The following MCTP1 variants were observed in gnomAD, a reference collection of about 807,000 sequenced individuals.
The protein encoded by MCTP1 is multiple C2 and transmembrane domain containing 1.
A neutral mutation model predicts 120.6 loss-of-function variants in MCTP1; 69 were observed. That is an observed-to-expected ratio of 0.57 (90% CI 0.47 to 0.70). The LOEUF (loss-of-function observed/expected upper bound fraction) is 0.70, where lower values mean the gene tolerates loss of function less well. Ranked by LOEUF, MCTP1 falls within the 30% of genes least tolerant of loss-of-function variation. MCTP1 has a pLI of 0.00. For missense variants in MCTP1, 1,203 were observed against 1,248.8 expected (o/e 0.96, Z 0.55); for synonymous variants, 529 against 493.1 (o/e 1.07, Z -0.96).
intron 1 of MCTP1, among the ~76,000 whole-genome samples, chr5:95,226,477 T>C (rs2152630983): frequency 6.6e-6 from 1 of 152,286 alleles, no homozygotes; most frequent in African/African-American, 2.4e-5. Flanking sequence ...GCAGGATTTT[T>C]CATTTTCGGA....
intron 1 of MCTP1, among the ~76,000 whole-genome samples, chr5:95,067,694 T>C (rs578228857): frequency 2.0e-5 from 3 of 152,188 alleles, no homozygotes; most frequent in Admixed American, 6.5e-5. Context: ...AATAATTGTA[T>C]GTATTTATGG....
intron 1 of MCTP1, among the ~76,000 whole-genome samples, chr5:95,205,261 T>C (rs753629643): frequency 3.3e-5 from 5 of 152,230 alleles, no homozygotes; most frequent in Non-Finnish European, 7.4e-5. Context: ...TTTCAACATA[T>C]GGTTGGGACA....
At chr5:95,278,579 G>A (rs1463807843) in intron 1 of MCTP1, among the ~76,000 whole-genome samples, 1 of 152,146 alleles carries the variant, frequency 6.6e-6, no homozygotes, top group East Asian at 1.9e-4. Flanking sequence ...TATTTAGAAC[G>A]CTTGACTTAC....
chr5:94,886,873 G>A lies in MCTP1; in HGVS notation c.1933+2006C>T, dbSNP rs141189125. On this transcript the variant is annotated intron_variant, in intron 12 of 22. Transcript: ENST00000515393. ...AGGAAGCATCAGGATACATGTGTGC[G>A]TGTGTGTGTGTGTATATATAAAGTA... is the stretch of plus-strand genomic sequence containing the variant. Among the ~76,000 whole-genome samples, 145 of 150,860 alleles carry A rather than the reference G, an allele frequency of 9.6e-4. 1 individual carries two copies. Among genetic ancestry groups the A allele is most frequent in the African/African-American group, 3.4e-3 (139 of 40,736 alleles).
At chr5:94,980,644 A>C (rs539896304) in intron 2 of MCTP1, among the ~76,000 whole-genome samples, 2 of 152,052 alleles carry the variant, frequency 1.3e-5, no homozygotes, top group Non-Finnish European at 2.9e-5. Flanking sequence ...TTTCATAGAC[A>C]CCCTTTCCAA....
intron 17 of MCTP1, among the ~76,000 whole-genome samples, chr5:94,860,309 T>C (rs1216859574): frequency 6.6e-6 from 1 of 151,628 alleles, no homozygotes; most frequent in Non-Finnish European, 1.5e-5. Context: ...ATAAATACAG[T>C]GCAATGTCTG....
Position 94,710,487 on chromosome 5 carries a change from T to C in MCTP1, c.2830+331A>G, listed in dbSNP as rs374034518. 38 of 226,504 alleles carry C rather than the reference T, an allele frequency of 1.7e-4. No individual in the cohort carries two copies. In the East Asian group the frequency reaches 4.4e-3, roughly 26 times the overall value. 14.0% of individuals were successfully genotyped at this position (226,504 alleles called of 1,614,324 possible). ...AAAGCATATTTTCCTAAATGCACCA[T>C]ATGGATTGAAATGCCTCTGTTTGTA... On this transcript the variant is annotated intron_variant, in intron 21 of 22. Coordinates refer to ENST00000515393, the MANE Select transcript of MCTP1 (RefSeq NM_024717.7).
intron 2 of MCTP1, among the ~76,000 whole-genome samples, chr5:94,968,637 A>G (rs1361202411): frequency 6.6e-6 from 1 of 152,244 alleles, no homozygotes; most frequent in Admixed American, 6.5e-5. Context: ...CAAAAAAATC[A>G]ATAGCTTCAT....
intron 11 of MCTP1, among the ~76,000 whole-genome samples, chr5:94,893,053 A>G (rs1803041416): frequency 6.6e-6 from 1 of 152,228 alleles, no homozygotes; most frequent in Admixed American, 6.5e-5. Context: ...AACATAGTTC[A>G]TTTTTGAATA....
In MCTP1 at chr5:95,085,775, A is replaced by T. The variant is rs146998401; in HGVS notation, c.721-68291T>A. ...GATCTCCAGAGATCCACGATGCTGA[A>T]ATACCAAGAGTCTTGATCTTTTTGT... On this transcript the variant is annotated intron_variant, in intron 1 of 22. Coordinates refer to ENST00000515393, the MANE Select transcript of MCTP1 (RefSeq NM_024717.7). Among the ~76,000 whole-genome samples the T allele has an allele frequency of 6.7e-3, 1,015 of 152,214 alleles. 6 individuals are homozygous for T. Among genetic ancestry groups the T allele is most frequent in the South Asian group, 9.1e-3 (44 of 4,818 alleles).
intron 19 of MCTP1, among the ~76,000 whole-genome samples, chr5:94,770,631 A>T (rs1392478163): frequency 6.6e-6 from 1 of 152,222 alleles, no homozygotes; most frequent in Non-Finnish European, 1.5e-5. Flanking sequence ...AAGACTGGAG[A>T]GGTGCTTCTG....
At chr5:95,113,347 T>C (rs1387435721) in intron 1 of MCTP1, among the ~76,000 whole-genome samples, 1 of 152,036 alleles carries the variant, frequency 6.6e-6, no homozygotes. Flanking sequence ...GTACCATGTT[T>C]TAACTTCATG....
intron 1 of MCTP1, among the ~76,000 whole-genome samples, chr5:95,265,151 T>C (rs905810308): frequency 6.6e-6 from 1 of 152,160 alleles, no homozygotes; most frequent in Non-Finnish European, 1.5e-5. Flanking sequence ...ACTGTGTGCC[T>C]TTTTAGCTCC....
intron 1 of MCTP1, among the ~76,000 whole-genome samples, chr5:95,154,723 C>T (rs78344965): frequency 0.032 from 4,929 of 151,934 alleles, 116 homozygotes; most frequent in Middle Eastern, 0.061. Flanking sequence ...AGTGAAACAA[C>T]GAAGAAAGCC....
intron 3 of MCTP1, among the ~76,000 whole-genome samples, chr5:94,947,644 C>T (rs1317690268): frequency 7.2e-6 from 1 of 138,982 alleles, no homozygotes; most frequent in Admixed American, 7.4e-5. Flanking sequence ...GGTCCAGGGT[C>T]TCACTCTGTC....
intron 20 of MCTP1, among the ~76,000 whole-genome samples, chr5:94,714,328 G>C (rs1302072800): frequency 6.6e-6 from 1 of 151,562 alleles, no homozygotes; most frequent in African/African-American, 2.4e-5. Flanking sequence ...ATTTTTGCAG[G>C]GTACCATAAA....
chr5:95,227,499 T>C (rs1191300932), intron 1 of MCTP1, among the ~76,000 whole-genome samples: 1 of 152,008 alleles, frequency 6.6e-6, no homozygotes, highest in African/African-American at 2.4e-5. Context: ...ACGGGAGAAA[T>C]GAGAGCAGTC....
At chr5:95,187,742 A>C (rs1425950389) in intron 1 of MCTP1, among the ~76,000 whole-genome samples, 4 of 152,124 alleles carry the variant, frequency 2.6e-5, no homozygotes, top group Non-Finnish European at 5.9e-5. Flanking sequence ...GGGGAAGGGT[A>C]AGAAGCAGGT....
At chr5:94,741,280 T>C (rs1201015828) in intron 19 of MCTP1, among the ~76,000 whole-genome samples, 2 of 152,172 alleles carry the variant, frequency 1.3e-5, no homozygotes, top group Non-Finnish European at 2.9e-5. Context: ...AATTAAAATT[T>C]CAAGTTAAAA....
Sources: gnomAD v4.1 joint callset for allele counts (sites outside exome capture counted in the v4.1 genomes callset) on GRCh38, gnomAD v4.1.1 for gene constraint, MANE v1.5 for transcripts, NCBI Gene and HGNC (gene_info 2026-07-23, HGNC 2026-07-21) for gene names.